The following SLC44A5 variants were observed in gnomAD, a reference collection of about 807,000 sequenced individuals.
SLC44A5 encodes solute carrier family 44 member 5.
SLC44A5 carries 57 observed loss-of-function variants against 101.8 expected under a neutral mutation model. The ratio of observed to expected loss-of-function variants is 0.56; its 90% CI spans 0.45 to 0.70. The LOEUF is 0.70. Ranked by LOEUF, SLC44A5 falls within the 30% of genes least tolerant of loss-of-function variation. The pLI, the probability that SLC44A5 is intolerant of heterozygous loss-of-function variation, is 0.00. For synonymous variants in SLC44A5, 281 were observed against 290.9 expected (o/e 0.97, Z 0.35); for missense variants, 737 against 853.1 (o/e 0.86, Z 1.70).
At chr1:75,525,769 T>C (rs1393900474) in intron 2 of SLC44A5, among the ~76,000 whole-genome samples, 1 of 152,210 alleles carries the variant, frequency 6.6e-6, no homozygotes, top group Non-Finnish European at 1.5e-5. Flanking sequence ...ATTGCAGTTA[T>C]ATGAAATATT....
intron 3 of SLC44A5, among the ~76,000 whole-genome samples, chr1:75,358,967 C>A (rs998606462): frequency 6.6e-6 from 1 of 151,928 alleles, no homozygotes; most frequent in Non-Finnish European, 1.5e-5. Context: ...AACCACTGAC[C>A]AACAATTTCC....
chr1:75,400,085 G>A (rs909836040), intron 2 of SLC44A5, among the ~76,000 whole-genome samples: 26 of 152,276 alleles, frequency 1.7e-4, no homozygotes, highest in African/African-American at 5.8e-4. Context: ...CACAGAAACC[G>A]AAAATCAAGC....
At chr1:75,458,847 T>C (rs1377172792) in intron 2 of SLC44A5, among the ~76,000 whole-genome samples, 1 of 152,128 alleles carries the variant, frequency 6.6e-6, no homozygotes, top group Non-Finnish European at 1.5e-5. Context: ...AATAAACATA[T>C]GAAGAATTAA....
At chr1:75,214,492 G>T in intron 20 of SLC44A5, 113 bp downstream of exon 20, 1 of 712,254 alleles carries the variant, frequency 1.4e-6, no homozygotes, top group African/African-American at 1.8e-5. Context: ...CAAGTTAAAA[G>T]ATAATATTCA....
chr1:75,723,470 T>A, the SLC44A5 span, among the ~76,000 whole-genome samples: 1 of 152,134 alleles, frequency 6.6e-6, no homozygotes, highest in African/African-American at 2.4e-5. Context: ...TAGACATGTT[T>A]AAGATGAGGG....
the SLC44A5 span, among the ~76,000 whole-genome samples, chr1:75,661,171 A>G: frequency 2.6e-5 from 4 of 152,084 alleles, no homozygotes; most frequent in Non-Finnish European, 4.4e-5. Context: ...TTGAAAACAC[A>G]GAAATAAATC....
At chr1:75,666,093 C>T in the SLC44A5 span, among the ~76,000 whole-genome samples, 1 of 152,118 alleles carries the variant, frequency 6.6e-6, no homozygotes, top group African/African-American at 2.4e-5. Flanking sequence ...ATGGAACTAC[C>T]ATTCAAACCA....
At chr1:75,477,779 G>C (rs1159008061) in intron 2 of SLC44A5, among the ~76,000 whole-genome samples, 9 of 151,770 alleles carry the variant, frequency 5.9e-5, no homozygotes, top group Non-Finnish European at 8.8e-5. Context: ...CGTCTGACTG[G>C]TGTACCTGAA....
chr1:75,351,456 TA>T (rs1304499798), intron 3 of SLC44A5, among the ~76,000 whole-genome samples: 1 of 152,076 alleles, frequency 6.6e-6, no homozygotes, highest in African/African-American at 2.4e-5. Flanking sequence ...GGTAAAATTA[TA>T]AAGTCATTAT....
chr1:75,474,094 G>T (rs985166600), intron 2 of SLC44A5, among the ~76,000 whole-genome samples: 7 of 152,078 alleles, frequency 4.6e-5, no homozygotes, highest in African/African-American at 1.7e-4. Flanking sequence ...ATTTAACACT[G>T]CTTCATTAAA....
chr1:75,429,649 C>A (rs545498066), intron 2 of SLC44A5, among the ~76,000 whole-genome samples: 1 of 152,212 alleles, frequency 6.6e-6, no homozygotes, highest in Non-Finnish European at 1.5e-5. Flanking sequence ...CTGGTGAGAG[C>A]CCCAGGAAAT....
chr1:75,449,421 C>T (rs1665768565), intron 2 of SLC44A5, among the ~76,000 whole-genome samples: 1 of 152,126 alleles, frequency 6.6e-6, no homozygotes, highest in Admixed American at 6.5e-5. Context: ...TAGCAATCTC[C>T]CTCAGGTAAG....
At chr1:75,499,989 A>C (rs1039250993) in intron 2 of SLC44A5, among the ~76,000 whole-genome samples, 1 of 152,124 alleles carries the variant, frequency 6.6e-6, no homozygotes, top group Non-Finnish European at 1.5e-5. Context: ...CCCATCCACT[A>C]TCTGGCTGTC....
chr1:75,354,824 A>C (rs1378379573), intron 3 of SLC44A5, among the ~76,000 whole-genome samples: 1 of 152,066 alleles, frequency 6.6e-6, no homozygotes, highest in Non-Finnish European at 1.5e-5. Flanking sequence ...TTTGACTCAG[A>C]TCTTTTAGGT....
chr1:75,664,546 A>G, the SLC44A5 span, among the ~76,000 whole-genome samples: 1 of 152,160 alleles, frequency 6.6e-6, no homozygotes, highest in African/African-American at 2.4e-5. Flanking sequence ...ATGCAATTCC[A>G]TTTACAATGG....
chr1:75,690,394 C>A, the SLC44A5 span, among the ~76,000 whole-genome samples: 8 of 152,248 alleles, frequency 5.3e-5, no homozygotes, highest in South Asian at 1.7e-3. Context: ...TCCTTTAACA[C>A]ACGGGGATTA....
At chr1:75,214,216 T>A (rs950057625) in intron 20 of SLC44A5, among the ~76,000 whole-genome samples, 1 of 152,106 alleles carries the variant, frequency 6.6e-6, no homozygotes, top group African/African-American at 2.4e-5. Context: ...CCTGCAGTGG[T>A]GGTGTCAGCC....
chr1:75,384,331 A>G (rs1278280647), intron 3 of SLC44A5, among the ~76,000 whole-genome samples: 62 of 149,292 alleles, frequency 4.2e-4, no homozygotes, highest in Admixed American at 2.0e-3. Flanking sequence ...GCAGAGACAC[A>G]CATAGGCTCA....
chr1:75,350,276 A>G (rs750582804), intron 3 of SLC44A5, among the ~76,000 whole-genome samples: 7 of 151,988 alleles, frequency 4.6e-5, no homozygotes, highest in Non-Finnish European at 8.8e-5. Flanking sequence ...CCAGCCATCT[A>G]TAAATCAGGA....
Sources: allele counts gnomAD v4.1 joint callset (sites outside exome capture counted in the v4.1 genomes callset), GRCh38; gene constraint gnomAD v4.1.1; transcripts MANE v1.5; gene names NCBI Gene and HGNC (gene_info 2026-07-23, HGNC 2026-07-21).